Variants in NRXN3 observed in about 807,000 individuals in gnomAD.
The protein encoded by NRXN3 is neurexin III.
NRXN3 carries 32 observed loss-of-function variants against 137.6 expected under a neutral mutation model. That is an observed-to-expected ratio of 0.23 (90% confidence interval 0.18 to 0.31). The LOEUF (loss-of-function observed/expected upper bound fraction) is 0.31, where lower values mean the gene tolerates loss of function less well. Among genes scored for constraint, NRXN3 ranks in the 10% least tolerant of loss-of-function variants. The pLI, the probability that NRXN3 is intolerant of heterozygous loss-of-function variation, is 1.00. For synonymous variants in NRXN3, 798 were observed against 784.5 expected (o/e 1.02, Z -0.29); for missense variants, 1,574 against 2,062.5 (o/e 0.76, Z 4.59).
At chr14:78,856,244 C>T (rs1248869516) in intron 10 of NRXN3, among the ~76,000 whole-genome samples, 1 of 152,130 alleles carries the variant, frequency 6.6e-6, no homozygotes, top group African/African-American at 2.4e-5. Context: ...TGTTTTCTTA[C>T]ACTGATAACA....
intron 15 of NRXN3, among the ~76,000 whole-genome samples, chr14:79,100,322 C>T (rs2202179): frequency 0.5 from 76,084 of 151,710 alleles, 22,273 homozygotes; most frequent in East Asian, 0.77. Context: ...TTTGAATCCC[C>T]GATCGTCTCT....
chr14:79,674,788 A>T (rs1173405643), intron 17 of NRXN3, among the ~76,000 whole-genome samples: 1 of 152,120 alleles, frequency 6.6e-6, no homozygotes, highest in Non-Finnish European at 1.5e-5. Flanking sequence ...GCCAGCCTCA[A>T]TGTTTAATTA....
intron 1 of NRXN3, among the ~76,000 whole-genome samples, chr14:78,239,832 C>T (rs1474184053): frequency 6.6e-6 from 1 of 152,104 alleles, no homozygotes; most frequent in Non-Finnish European, 1.5e-5. Context: ...CTCAGCCTCT[C>T]GAGTAGCTGG....
At chr14:78,959,743 G>T (rs910786765) in intron 11 of NRXN3, among the ~76,000 whole-genome samples, 3 of 152,172 alleles carry the variant, frequency 2.0e-5, no homozygotes, top group African/African-American at 7.2e-5. Context: ...CAGCCAACCT[G>T]AATTAATTAT....
chr14:78,785,501 G>C (rs1448850485), intron 8 of NRXN3, among the ~76,000 whole-genome samples: 3 of 152,148 alleles, frequency 2.0e-5, no homozygotes, highest in Non-Finnish European at 4.4e-5. Context: ...CAGATAACTT[G>C]TTCCCTGTAG....
At chr14:78,935,849 GT>G (rs1399756750) in intron 10 of NRXN3, among the ~76,000 whole-genome samples, 1 of 151,994 alleles carries the variant, frequency 6.6e-6, no homozygotes, top group East Asian at 1.9e-4. Context: ...CCTCAACTTT[GT>G]CCCCCCACCT....
intron 16 of NRXN3, among the ~76,000 whole-genome samples, chr14:79,558,963 G>A (rs1440146986): frequency 6.6e-6 from 1 of 152,122 alleles, no homozygotes; most frequent in Non-Finnish European, 1.5e-5. Context: ...TAAACCTCAT[G>A]AACAAACTTC....
chr14:78,973,977 A>G (rs1329321456), intron 14 of NRXN3, among the ~76,000 whole-genome samples: 2 of 152,198 alleles, frequency 1.3e-5, no homozygotes, highest in African/African-American at 2.4e-5. Context: ...ACATCCACCA[A>G]TGAAGACTCT....
intron 15 of NRXN3, among the ~76,000 whole-genome samples, chr14:79,291,010 G>T (rs78414467): frequency 0.014 from 2,080 of 152,300 alleles, 35 homozygotes; most frequent in South Asian, 0.081. Flanking sequence ...GGAGAATTTG[G>T]TCTCATGAAT....
At chr14:79,497,337 C>G (rs2096777046) in intron 16 of NRXN3, among the ~76,000 whole-genome samples, 1 of 152,150 alleles carries the variant, frequency 6.6e-6, no homozygotes, top group South Asian at 2.1e-4. Flanking sequence ...GATCTTGTTT[C>G]TACCTCAGAG....
chr14:79,218,988 C>T (rs1230327163), intron 15 of NRXN3, among the ~76,000 whole-genome samples: 1 of 152,066 alleles, frequency 6.6e-6, no homozygotes, highest in African/African-American at 2.4e-5. Context: ...ATGATGGTGC[C>T]TTGTTTTAGG....
At chr14:79,286,610 CT>C (rs2082304639) in intron 15 of NRXN3, among the ~76,000 whole-genome samples, 1 of 149,828 alleles carries the variant, frequency 6.7e-6, no homozygotes, top group South Asian at 2.1e-4. Context: ...AGCATTCCAT[CT>C]TTGGGGAAAG....
At position 79,637,729 on chromosome 14, in the gene NRXN3, C is replaced by CTT. The variant is rs554654576; in HGVS notation, c.3445-26032_3445-26031dup. Among the ~76,000 whole-genome samples the CTT allele has an allele frequency of 9.8e-3, 935 of 95,570 alleles. 169 individuals are homozygous for CTT. The highest frequency in any genetic ancestry group is 0.045 in the African/African-American group (819 of 18,366). 62.7% of individuals were successfully genotyped at this position (95,570 alleles called of 152,430 possible). A position where few individuals can be genotyped will look rare whatever the true frequency, so the allele number is the denominator to read the frequency against. ...AACTGATGTAAGATATAGAAAAGTT[C>CTT]TTTTTTTTTTTTTTTTTTGAGATGG... On this transcript the variant is annotated intron_variant, in intron 16 of 20. Transcript: ENST00000335750.
At chr14:78,669,915 T>C (rs1312833896) in intron 6 of NRXN3, among the ~76,000 whole-genome samples, 3 of 152,006 alleles carry the variant, frequency 2.0e-5, no homozygotes, top group Non-Finnish European at 4.4e-5. Flanking sequence ...GAACGTACAG[T>C]TTTGTTACTT....
At chr14:78,894,916 A>G (rs952854363) in intron 10 of NRXN3, among the ~76,000 whole-genome samples, 1 of 150,956 alleles carries the variant, frequency 6.6e-6, no homozygotes, top group Non-Finnish European at 1.5e-5. Context: ...TTTCCTTAGC[A>G]GTAGTTCTCA....
chr14:78,732,641 C>A (rs1162186756), intron 8 of NRXN3, among the ~76,000 whole-genome samples: 1 of 152,156 alleles, frequency 6.6e-6, no homozygotes, highest in Non-Finnish European at 1.5e-5. Context: ...TCACAGAAGT[C>A]TCTTAGACCA....
chr14:79,826,702 A>T (rs2141154938), intron 20 of NRXN3, among the ~76,000 whole-genome samples: 1 of 152,234 alleles, frequency 6.6e-6, no homozygotes, highest in East Asian at 1.9e-4. Context: ...GGGCTTTGGG[A>T]TTATTTTTTT....
At chr14:79,382,452 A>G (rs906019625) in intron 15 of NRXN3, among the ~76,000 whole-genome samples, 2 of 152,152 alleles carry the variant, frequency 1.3e-5, no homozygotes, top group Non-Finnish European at 2.9e-5. Context: ...GGCTATGTCC[A>G]GAAACTAGGT....
At chr14:78,371,197 A>G (rs773121598) in intron 4 of NRXN3, among the ~76,000 whole-genome samples, 1 of 152,116 alleles carries the variant, frequency 6.6e-6, no homozygotes, top group Non-Finnish European at 1.5e-5. Flanking sequence ...CTGTGCCCCT[A>G]TAAACCCCAG....
Sources: gnomAD v4.1 joint callset for allele counts (sites outside exome capture counted in the v4.1 genomes callset) on GRCh38, gnomAD v4.1.1 for gene constraint, MANE v1.5 for transcripts, NCBI Gene and HGNC (gene_info 2026-07-23, HGNC 2026-07-21) for gene names.